The following BDP1 variants were observed in gnomAD, a reference collection of about 807,000 sequenced individuals.
BDP1 encodes the protein transcription factor TFIIIB component B'' homolog.
Under a neutral mutation model 266.6 loss-of-function variants are expected in BDP1, and 169 were observed. The ratio of observed to expected loss-of-function variants is 0.63; its 90% CI spans 0.56 to 0.72. The LOEUF is 0.72. BDP1 is among the 30% of genes least tolerant of loss of function. The pLI, the probability that BDP1 is intolerant of heterozygous loss-of-function variation, is 0.00. For synonymous variants in BDP1, 1,090 were observed against 1,022.4 expected (o/e 1.07, Z -1.26); for missense variants, 3,015 against 3,053.8 (o/e 0.99, Z 0.30).
downstream of BDP1, among the ~76,000 whole-genome samples, chr5:71,568,336 C>T (rs948045397): frequency 1.3e-5 from 2 of 152,170 alleles, no homozygotes; most frequent in African/African-American, 2.4e-5. Context: ...GGCAGTCTTA[C>T]GGGCTACCCA....
At chr5:71,556,261 T>A (rs1461692857) in intron 35 of BDP1, among the ~76,000 whole-genome samples, 1 of 152,160 alleles carries the variant, frequency 6.6e-6, no homozygotes. Flanking sequence ...CTTCTACTTT[T>A]TGTAGTTCTA....
Position 71,491,061 on chromosome 5 carries a change from A to G in BDP1, c.1570A>G (p.Ile524Val). 6.2e-7 allele frequency: 1 copy of G among 1,614,152 alleles called. No homozygotes were observed. Among genetic ancestry groups the G allele is most frequent in the Non-Finnish European group, 8.5e-7 (1 of 1,179,992 alleles). Residue 524 changes from isoleucine to valine, a missense_variant, in exon 11 of 39, where the codon ATA (isoleucine) becomes GTA (valine). This residue lies in a region of BDP1 where 2,383 missense variants were observed against 2,404.9 expected (regional missense o/e 0.99). Transcript: ENST00000358731. ...GCAGATGCTTTCCTGCACACAAAAC[A>G]TAGATGGCATTGTGGGTTTTGCCTC... Reference protein sequence around the residue: ...KEQMLSCTQNIDGIVGFASTE... With the variant: ...KEQMLSCTQNVDGIVGFASTE...
Position 71,566,810 on chromosome 5 carries a change from A to G in BDP1, c.*1925A>G, listed in dbSNP as rs983186915. 6.6e-6 allele frequency: 1 copy of G among 152,214 alleles called. No individual in the cohort carries two copies. Among genetic ancestry groups the G allele is most frequent in the Non-Finnish European group, 1.5e-5 (1 of 68,040 alleles). The allele number at this position is 152,214 out of a possible 1,614,324, so 9.4% of individuals were successfully genotyped here. On this transcript the variant is annotated 3_prime_UTR_variant, in exon 39 of 39. Transcript: ENST00000358731. ...CCTAAAAGTTAAAACTGTTGACTGT[A>G]TTATGTAATGATCAGTATTTCAGTT...
In BDP1 at chr5:71,489,699, T is replaced by C. The variant is rs779102723; in HGVS notation, c.1492+17T>C. The C allele has an allele frequency of 1.0e-5, 16 of 1,582,202 alleles. No individual in the cohort carries two copies. Among genetic ancestry groups the C allele is most frequent in the Non-Finnish European group, 1.4e-5 (16 of 1,169,530 alleles). ...AACACAAGAGTAAGTTTCTTACATA[T>C]TTAAAAAGCCTCTATATTACTTGAG... On this transcript the variant is annotated intron_variant, in intron 10 of 38. Coordinates refer to ENST00000358731, the MANE Select transcript of BDP1 (RefSeq NM_018429.3).
At chr5:71,522,729 A>G (rs1765569274) in intron 23 of BDP1, 27 bp from the exon 24 acceptor site, 2 of 1,565,342 alleles carry the variant, frequency 1.3e-6, no homozygotes, top group Non-Finnish European at 1.7e-6. Flanking sequence ...CTGTAGTAAT[A>G]CTAGCTAATT....
intron 26 of BDP1, 86 bp from the exon 27 acceptor site, chr5:71,538,956 A>C: frequency 4.7e-6 from 4 of 855,418 alleles, no homozygotes; most frequent in Non-Finnish European, 7.8e-6. Context: ...AAGTATGGAA[A>C]GACCTCTGAA....
At chr5:71,551,355 C>T (rs1742740011) in intron 34 of BDP1, among the ~76,000 whole-genome samples, 1 of 152,202 alleles carries the variant, frequency 6.6e-6, no homozygotes, top group Non-Finnish European at 1.5e-5. Context: ...TTAACAAGCA[C>T]ATCTTGCACC....
At position 71,532,328 on chromosome 5, in the gene BDP1, C is replaced by T; in HGVS notation, c.5793C>T (p.Val1931=). The T allele has an allele frequency of 6.2e-7, 1 of 1,613,246 alleles. No individual in the cohort carries two copies. The highest frequency in any genetic ancestry group is 8.5e-7 in the Non-Finnish European group (1 of 1,179,560). Residue 1931 remains valine, a synonymous_variant, in exon 26 of 39, where the codon GTC becomes GTT. Coordinates refer to ENST00000358731, the MANE Select transcript of BDP1 (RefSeq NM_018429.3). The stretch of plus-strand genomic sequence containing the variant: ...GACAGCTTGAAATAACTGTGAATGT[C>T]CCAGATGTAGGATGCATAGCTGTTG... ...TMEELEITVN[V]PDVGCIAVVE... is the part of the protein sequence containing the mutation.
chr5:71,552,676 C>G (rs1308090553), intron 34 of BDP1, among the ~76,000 whole-genome samples: 4 of 149,588 alleles, frequency 2.7e-5, no homozygotes, highest in Admixed American at 2.7e-4. Flanking sequence ...GAAAACCAGT[C>G]AGGTGTGGTG....
At chr5:71,532,224 TCTTA>T (rs1181302774) in intron 25 of BDP1, 80 bp from the exon 26 acceptor site, 27 of 1,195,136 alleles carry the variant, frequency 2.3e-5, no homozygotes, top group Non-Finnish European at 3.0e-5. Flanking sequence ...TAGCGTTTCA[TCTTA>T]CTTATTCATG....
At chr5:71,516,680 G>A (rs759507672) in intron 21 of BDP1, among the ~76,000 whole-genome samples, 1 of 152,034 alleles carries the variant, frequency 6.6e-6, no homozygotes, top group Non-Finnish European at 1.5e-5. Flanking sequence ...TGGCTTTCTG[G>A]ATCAAGAAAT....
At chr5:71,552,081 G>A (rs1443362158) in intron 34 of BDP1, among the ~76,000 whole-genome samples, 1 of 151,056 alleles carries the variant, frequency 6.6e-6, no homozygotes, top group African/African-American at 2.4e-5. Flanking sequence ...CTGCCGGTAG[G>A]AGGGGCTCCT....
chr5:71,459,916 T>G (rs962600867), intron 2 of BDP1, among the ~76,000 whole-genome samples: 2 of 152,228 alleles, frequency 1.3e-5, no homozygotes, highest in Non-Finnish European at 2.9e-5. Flanking sequence ...ATTTTCAGGT[T>G]AGAGATGCTC....
At chr5:71,478,201 A>C (rs902910649) in intron 7 of BDP1, among the ~76,000 whole-genome samples, 1 of 152,118 alleles carries the variant, frequency 6.6e-6, no homozygotes, top group Admixed American at 6.6e-5. Flanking sequence ...GATGGCCGAA[A>C]TCATGCCATT....
intron 38 of BDP1, 57 bp from the exon 39 acceptor site, chr5:71,564,697 T>C (rs1209254102): frequency 7.0e-7 from 1 of 1,419,548 alleles, no homozygotes; most frequent in Non-Finnish European, 9.7e-7. Flanking sequence ...CACACACATA[T>C]ATATATAAAT....
In BDP1 at chr5:71,464,787, C is replaced by T. The variant is rs945340046; in HGVS notation, c.659+670C>T. On this transcript the variant is annotated intron_variant, in intron 4 of 38. Transcript: ENST00000358731. ...AGGCGGGAGTGCAGTGGTGCGATCT[C>T]GGCTCACTGCAGCCTCTGCCTCCCG... 9.6e-5 allele frequency among the ~76,000 whole-genome samples: 13 copies of T among 134,730 alleles called. 1 individual carries two copies. Among genetic ancestry groups the T allele is most frequent in the South Asian group, 4.9e-4 (2 of 4,098 alleles). 88.4% of individuals were successfully genotyped at this position (134,730 alleles called of 152,430 possible).
In BDP1 at chr5:71,466,116, C is replaced by G; in HGVS notation, c.680C>G (p.Pro227Arg). The G allele has an allele frequency of 1.9e-6, 3 of 1,613,624 alleles. No individual in the cohort carries two copies. The highest frequency in any genetic ancestry group is 1.7e-6 in the Non-Finnish European group (2 of 1,179,680). ...GGTAGGCAAGAAGGTAAGAGTACTC[C>G]TAATGCTGAAGATAATGAAATGGAA... ...QTREQEGKST[P>R]NAEDNEMEEE... The change falls in exon 5 of 39, where the codon CCT (proline) becomes CGT (arginine). Residue 227 changes from proline (P) to arginine (R), a missense_variant. Physicochemically the swap from Pro to Arg is moderately radical, Grantham distance 103. Around this residue, in one of 3 missense-constraint regions of BDP1, gnomAD observed 2,383 missense variants for 2,404.9 expected, o/e 0.99. Coordinates refer to ENST00000358731, the MANE Select transcript of BDP1 (RefSeq NM_018429.3).
chr5:71,555,491 G>T (rs551021351), intron 35 of BDP1, among the ~76,000 whole-genome samples: 1 of 149,390 alleles, frequency 6.7e-6, no homozygotes, highest in South Asian at 2.1e-4. Flanking sequence ...CCAGGCTGGA[G>T]TGCAATAGCG....
intron 35 of BDP1, 90 bp downstream of exon 35, chr5:71,553,410 CT>C: frequency 1.2e-6 from 1 of 829,596 alleles, no homozygotes; most frequent in Admixed American, 2.7e-5. Flanking sequence ...CCTTTATTCT[CT>C]TTAAACTTTT....
Sources: gnomAD v4.1 joint callset for allele counts (sites outside exome capture counted in the v4.1 genomes callset) on GRCh38, gnomAD v4.1.1 for gene constraint, gnomAD v4.1.1 regional missense constraint, MANE v1.5 for transcripts, NCBI Gene and HGNC (gene_info 2026-07-23, HGNC 2026-07-21) for gene names.